TNS1: variants seen among roughly 807,000 people sequenced by gnomAD.
The protein encoded by TNS1 is tensin-1.
TNS1 carries 62 observed loss-of-function variants against 168.6 expected under a neutral mutation model. The observed-to-expected ratio is 0.37, with a 90% CI of 0.30 to 0.45. TNS1 has a LOEUF of 0.45. Among genes scored for constraint, TNS1 ranks in the 20% least tolerant of loss-of-function variants. The pLI is 1.00. For synonymous variants in TNS1, 934 were observed against 933.2 expected (o/e 1.00, Z -0.02); for missense variants, 2,240 against 2,339.4 (o/e 0.96, Z 0.88).
At chr2:217,968,316 T>C (rs1326765286) in intron 3 of TNS1, among the ~76,000 whole-genome samples, 3 of 152,102 alleles carry the variant, frequency 2.0e-5, no homozygotes, top group African/African-American at 7.2e-5. Context: ...AAAAATGAAA[T>C]AAAAAGCATC....
In TNS1 at chr2:217,886,654, G is replaced by T. The variant is rs763565288; in HGVS notation, c.867-8C>A. On this transcript the variant is annotated splice_polypyrimidine_tract_variant and splice_region_variant and intron_variant, in intron 12 of 32. Transcript: ENST00000682258. ...CTGAAGTAATGCACGTACCTGTAGT[G>T]GTGGGAGAAGCAGCTTCAGGGAGTG... 5 of 1,568,472 alleles carry T rather than the reference G, an allele frequency of 3.2e-6. No individual in the cohort carries two copies. The East Asian group carries it at 1.1e-4, about 36-fold the overall frequency.
At chr2:217,931,386 G>A (rs1012134929) in intron 3 of TNS1, among the ~76,000 whole-genome samples, 2 of 152,216 alleles carry the variant, frequency 1.3e-5, no homozygotes, top group African/African-American at 4.8e-5. Flanking sequence ...AAAAATCTAA[G>A]AGCAGTGGGA....
chr2:217,801,055 A>G lies in TNS1; in HGVS notation c.*3404T>C, dbSNP rs1209005637. The G allele has an allele frequency of 6.6e-6, 1 of 152,092 alleles. No homozygotes were observed. The highest frequency in any genetic ancestry group is 1.5e-5 in the Non-Finnish European group (1 of 68,026). The allele number at this position is 152,092 out of a possible 1,614,324, so 9.4% of individuals were successfully genotyped here. On this transcript the variant is annotated 3_prime_UTR_variant, in exon 33 of 33. Coordinates refer to ENST00000682258, the MANE Select transcript of TNS1 (RefSeq NM_001387777.1). The stretch of plus-strand genomic sequence containing the variant: ...AGTCTCAGAAGACCCAGGGATCCTC[A>G]AAAACCAGGGGAGAAGGAATCCTGG...
At chr2:217,860,617 C>A (rs911357876) in intron 18 of TNS1, among the ~76,000 whole-genome samples, 2 of 152,172 alleles carry the variant, frequency 1.3e-5, no homozygotes, top group Admixed American at 6.5e-5. Flanking sequence ...TTTGTTTGCA[C>A]GCAACCTTCA....
rs1172409862 is a variant in TNS1, at chr2:217,986,491, C to T, written c.148+4451G>A. Among the ~76,000 whole-genome samples the T allele has an allele frequency of 6.6e-6, 1 of 152,214 alleles. No individual in the cohort carries two copies. The highest frequency in any genetic ancestry group is 1.5e-5 in the Non-Finnish European group (1 of 68,036). ...GCTGAGCTGCCATCCTGGTATCTTC[C>T]TGTGGGTTTCGGCCTGGTGGGAGGT... On this transcript the variant is annotated intron_variant, in intron 2 of 32. Transcript: ENST00000682258. This position sits in a 1 kb window ranked among gnomAD's most constrained non-coding sequence, Gnocchi z 4.7.
At chr2:217,868,335 C>T (rs543672110) in intron 18 of TNS1, among the ~76,000 whole-genome samples, 1 of 152,168 alleles carries the variant, frequency 6.6e-6, no homozygotes, top group African/African-American at 2.4e-5. Flanking sequence ...GGAGGCAGGA[C>T]CCCTGAGCAG....
intron 18 of TNS1, chr2:217,849,835 T>C: frequency 1.0e-6 from 1 of 985,368 alleles, no homozygotes; most frequent in Non-Finnish European, 1.2e-6. Flanking sequence ...AGGAGGGCAG[T>C]AGGGTGCAGC....
At chr2:217,808,451 A>G in intron 31 of TNS1, 152 bp downstream of exon 31, 1 of 809,378 alleles carries the variant, frequency 1.2e-6, no homozygotes, top group South Asian at 1.6e-5. Flanking sequence ...AAGATGCCCA[A>G]CACGATTACT....
chr2:217,853,929 C>T (rs1235898293), intron 18 of TNS1, among the ~76,000 whole-genome samples: 1 of 152,220 alleles, frequency 6.6e-6, no homozygotes, highest in African/African-American at 2.4e-5. Context: ...CCATCTCACA[C>T]ACTTAAAAAA....
intron 19 of TNS1, among the ~76,000 whole-genome samples, chr2:217,840,348 T>C (rs375225522): frequency 2.6e-5 from 4 of 152,224 alleles, no homozygotes; most frequent in East Asian, 3.9e-4. Flanking sequence ...TAGATGTTAG[T>C]GGACGGCATC....
chr2:217,918,174 T>C (rs548930149), intron 4 of TNS1, among the ~76,000 whole-genome samples: 43 of 152,320 alleles, frequency 2.8e-4, no homozygotes, highest in African/African-American at 1.0e-3. Context: ...AATGGATTAA[T>C]GTGCTCACTT....
In TNS1 at chr2:217,885,015, G is replaced by A. The variant is rs1209544015; in HGVS notation, c.1246+20C>T. 1 of 1,613,896 alleles carries A rather than the reference G, an allele frequency of 6.2e-7. No homozygotes were observed. The highest frequency in any genetic ancestry group is 2.2e-5 in the East Asian group (1 of 44,864). On this transcript the variant is annotated intron_variant, in intron 16 of 32. Coordinates refer to ENST00000682258, the MANE Select transcript of TNS1 (RefSeq NM_001387777.1). ...CCTGCCACAGGGGTGCCCACCCCCA[G>A]CTCCACTCAAGGAGCGCACCTTTGA...
chr2:217,890,742 G>A (rs1451105226), intron 12 of TNS1: 3 of 595,722 alleles, frequency 5.0e-6, no homozygotes, highest in East Asian at 5.6e-5. Flanking sequence ...AGGCCTCAGA[G>A]TCAAGTGCTG....
chr2:217,999,216 G>A lies in TNS1; in HGVS notation c.33+3624C>T, dbSNP rs145983453. ...ATGGAGAAGCCTGGCAGAGGATGCA[G>A]CAGATGGGGTTGGAGTCTTGACTCT... On this transcript the variant is annotated intron_variant, in intron 1 of 32. Coordinates refer to ENST00000682258, the MANE Select transcript of TNS1 (RefSeq NM_001387777.1). Among the ~76,000 whole-genome samples, 61 of 152,340 alleles carry A rather than the reference G, an allele frequency of 4.0e-4. 1 individual carries two copies. The highest frequency in any genetic ancestry group is 1.2e-3 in the African/African-American group (51 of 41,582).
chr2:217,906,336 T>G lies in TNS1; in HGVS notation c.320A>C (p.Asn107Thr). Residue 107 changes from asparagine to threonine, a missense_variant and splice_region_variant, in exon 6 of 33, where the codon AAC (asparagine) becomes ACC (threonine). Asn to Thr is a moderately conservative substitution (Grantham distance 65). This residue lies in a region of TNS1 where 2,131 missense variants were observed against 2,171.2 expected (regional missense o/e 0.98). Transcript: ENST00000682258. ...GGNTRKSLED[N>T]GSTRVTPSVQ... ...CTTCTTCTCCCCATCCACACTCACG[T>G]TGTCCTCGAGGCTTTTCCGTGTGTT... is the stretch of plus-strand genomic sequence containing the variant. The G allele has an allele frequency of 1.5e-6, 1 of 661,768 alleles. No individual in the cohort carries two copies. The allele number at this position is 661,768 out of a possible 1,614,324, so 41.0% of individuals were successfully genotyped here. A position where few individuals can be genotyped will look rare whatever the true frequency, so the allele number is the denominator to read the frequency against.
intron 12 of TNS1, 145 bp from the exon 13 acceptor site, chr2:217,886,791 G>A (rs1408900518): frequency 1.8e-5 from 12 of 667,622 alleles, no homozygotes; most frequent in African/African-American, 1.3e-4. Context: ...CCCCAACCAG[G>A]CCTCCCTCCC....
intron 12 of TNS1, among the ~76,000 whole-genome samples, chr2:217,890,028 G>A (rs574788392): frequency 1.3e-5 from 2 of 152,336 alleles, no homozygotes; most frequent in East Asian, 3.9e-4. Context: ...CACTGCCCTA[G>A]CCCAGGCATT....
intron 7 of TNS1, among the ~76,000 whole-genome samples, chr2:217,898,857 G>A (rs1952615400): frequency 6.6e-6 from 1 of 152,176 alleles, no homozygotes; most frequent in Non-Finnish European, 1.5e-5. Flanking sequence ...CCAGAGGAAG[G>A]GTCCAGGATG....
At chr2:218,000,878 G>T (rs1033184328) in intron 1 of TNS1, among the ~76,000 whole-genome samples, 3 of 152,178 alleles carry the variant, frequency 2.0e-5, no homozygotes, top group Non-Finnish European at 2.9e-5. Flanking sequence ...AAGGCCAGGC[G>T]CAGTGGCTCA....
Sources: gnomAD v4.1 joint callset for allele counts (sites outside exome capture counted in the v4.1 genomes callset) on GRCh38, gnomAD v4.1.1 for gene constraint, gnomAD v4.1.1 regional missense constraint, Gnocchi (gnomAD v3.1) non-coding constraint, MANE v1.5 for transcripts, NCBI Gene and HGNC (gene_info 2026-07-23, HGNC 2026-07-21) for gene names.